The following MGMT variants were observed in gnomAD, a reference collection of about 807,000 sequenced individuals.
MGMT encodes O-6-methylguanine-DNA methyltransferase.
Under a neutral mutation model 15.9 loss-of-function variants are expected in MGMT, and 14 were observed. The ratio of observed to expected loss-of-function variants is 0.88; its 90% CI spans 0.58 to 1.37. The LOEUF (loss-of-function observed/expected upper bound fraction) is 1.37, where lower values mean the gene tolerates loss of function less well. Among genes scored for constraint, MGMT ranks in the 40% most tolerant of loss-of-function variants. The pLI is 0.00. For missense variants in MGMT, 282 were observed against 268.1 expected (o/e 1.05, Z -0.36); for synonymous variants, 130 against 118.2 (o/e 1.10, Z -0.65).
intron 1 of MGMT, among the ~76,000 whole-genome samples, chr10:129,473,974 C>G (rs1195907977): frequency 1.3e-5 from 2 of 152,260 alleles, no homozygotes; most frequent in African/African-American, 4.8e-5. Flanking sequence ...GGCCAGGGAC[C>G]CATGCCTGAT....
intron 2 of MGMT, among the ~76,000 whole-genome samples, chr10:129,654,422 A>G (rs140439166): frequency 6.6e-6 from 1 of 152,268 alleles, no homozygotes; most frequent in East Asian, 1.9e-4. Flanking sequence ...GAAGGTGCTC[A>G]TATTTTACCT....
At chr10:129,658,981 T>C (rs1218410311) in intron 2 of MGMT, among the ~76,000 whole-genome samples, 1 of 152,176 alleles carries the variant, frequency 6.6e-6, no homozygotes, top group Non-Finnish European at 1.5e-5. Flanking sequence ...TTCAATGTTA[T>C]CTTAATACAC....
In MGMT at chr10:129,536,303, G is replaced by A. The variant is rs375133933; in HGVS notation, c.51G>A (p.Gly17=). 6.2e-7 allele frequency: 1 copy of A among 1,614,158 alleles called. No homozygotes were observed. Among genetic ancestry groups the A allele is most frequent in the Non-Finnish European group, 8.5e-7 (1 of 1,180,032 alleles). ...MKRTTLDSPL[G]KLELSGCEQG... Reference sequence around the variant, plus strand: ...GCACCACACTGGACAGCCCTTTGGGGAAGCTGGAGCTGTCTGGTTGTGAGC... The same window carrying A: ...GCACCACACTGGACAGCCCTTTGGGAAAGCTGGAGCTGTCTGGTTGTGAGC... Residue 17 remains glycine (G), a synonymous_variant, in exon 2 of 5, where the codon GGG becomes GGA. Transcript: ENST00000651593.
In MGMT at chr10:129,533,652, C is replaced by T. The variant is rs904726323; in HGVS notation, c.-12-2589C>T. Among the ~76,000 whole-genome samples, 4 of 152,154 alleles carry T rather than the reference C, an allele frequency of 2.6e-5. No individual in the cohort carries two copies. The South Asian group carries it at 6.2e-4, about 24-fold the overall frequency. On this transcript the variant is annotated intron_variant, in intron 1 of 4. Coordinates refer to ENST00000651593, the MANE Select transcript of MGMT (RefSeq NM_002412.5). This position sits in a 1 kb window ranked among gnomAD's most constrained non-coding sequence, Gnocchi z 4.5. The stretch of plus-strand genomic sequence containing the variant: ...ATACTTTGGGAAATGATCTCATGGA[C>T]GCTTGGCCTGGATGGTGGTCACACT...
At chr10:129,525,694 G>A (rs545901916) in intron 1 of MGMT, among the ~76,000 whole-genome samples, 1 of 152,336 alleles carries the variant, frequency 6.6e-6, no homozygotes, top group East Asian at 1.9e-4. Flanking sequence ...GACCCTGGAA[G>A]TCTGTGCCTA....
At chr10:129,488,368 G>A (rs1269170854) in intron 1 of MGMT, among the ~76,000 whole-genome samples, 1 of 152,030 alleles carries the variant, frequency 6.6e-6, no homozygotes, top group Non-Finnish European at 1.5e-5. Context: ...CATCTTTTGC[G>A]AAATGCCTGT....
At chr10:129,694,183 C>T (rs1848003385) in intron 2 of MGMT, 1 of 152,274 alleles carries the variant, frequency 6.6e-6, no homozygotes, top group South Asian at 2.1e-4. Flanking sequence ...CTGTCTTTCA[C>T]CTCTGCTCTT....
chr10:129,672,268 G>A (rs1004619720), intron 2 of MGMT, among the ~76,000 whole-genome samples: 2 of 152,184 alleles, frequency 1.3e-5, no homozygotes, highest in African/African-American at 4.8e-5. Flanking sequence ...TTCTTGAGAA[G>A]TCAGCTCTTC....
At chr10:129,655,713 T>C (rs1393948227) in intron 2 of MGMT, among the ~76,000 whole-genome samples, 1 of 152,218 alleles carries the variant, frequency 6.6e-6, no homozygotes, top group Non-Finnish European at 1.5e-5. Flanking sequence ...AGGGAGCTGT[T>C]CCTCAGTATA....
chr10:129,739,433 T>A (rs1848604677), intron 3 of MGMT, among the ~76,000 whole-genome samples: 1 of 152,236 alleles, frequency 6.6e-6, no homozygotes, highest in Non-Finnish European at 1.5e-5. Context: ...CTCCTCTTTT[T>A]TATTTTCGAA....
chr10:129,599,054 T>C (rs2133059684), intron 2 of MGMT, among the ~76,000 whole-genome samples: 1 of 152,154 alleles, frequency 6.6e-6, no homozygotes, highest in East Asian at 1.9e-4. Flanking sequence ...TTTAAAGGAG[T>C]TTAATTGAGC....
intron 1 of MGMT, among the ~76,000 whole-genome samples, chr10:129,489,964 G>A (rs762193792): frequency 6.6e-5 from 10 of 151,822 alleles, no homozygotes; most frequent in East Asian, 1.9e-4. Context: ...ATTTTAAGTC[G>A]ATGTGGGGAT....
intron 2 of MGMT, among the ~76,000 whole-genome samples, chr10:129,589,152 GA>G (rs1304464451): frequency 1.3e-5 from 2 of 152,264 alleles, no homozygotes; most frequent in Admixed American, 1.3e-4. Context: ...TCTGGCTGAA[GA>G]AGCGGTATCC....
chr10:129,764,656 G>C (rs977620704), intron 4 of MGMT, among the ~76,000 whole-genome samples: 1 of 152,240 alleles, frequency 6.6e-6, no homozygotes, highest in Non-Finnish European at 1.5e-5. Flanking sequence ...TCATTTCTCT[G>C]TTGAGCTGGG....
intron 2 of MGMT, among the ~76,000 whole-genome samples, chr10:129,583,661 C>T (rs552551): frequency 0.79 from 120,327 of 152,210 alleles, 47,805 homozygotes; most frequent in Non-Finnish European, 0.83. Context: ...AGGGCCCTGT[C>T]TCTGTGGCAC....
intron 1 of MGMT, among the ~76,000 whole-genome samples, chr10:129,468,551 T>C (rs1233345287): frequency 6.6e-6 from 1 of 151,708 alleles, no homozygotes; most frequent in Non-Finnish European, 1.5e-5. Flanking sequence ...AGTACGGAGC[T>C]ATACTCAGGT....
chr10:129,634,461 A>G (rs1847243835), intron 2 of MGMT, among the ~76,000 whole-genome samples: 1 of 152,166 alleles, frequency 6.6e-6, no homozygotes, highest in African/African-American at 2.4e-5. Context: ...CCAACTACAG[A>G]TATGTACGAT....
intron 1 of MGMT, among the ~76,000 whole-genome samples, chr10:129,496,646 C>T (rs1015067553): frequency 2.0e-5 from 3 of 151,984 alleles, no homozygotes; most frequent in East Asian, 3.9e-4. Flanking sequence ...CTTGTGCAGC[C>T]GTGGAATGGG....
intron 2 of MGMT, among the ~76,000 whole-genome samples, chr10:129,690,895 G>C (rs891686443): frequency 1.3e-5 from 2 of 152,154 alleles, no homozygotes; most frequent in Non-Finnish European, 2.9e-5. Flanking sequence ...GTGATGACTC[G>C]GGGAGGCTTG....
Sources: allele counts gnomAD v4.1 joint callset (sites outside exome capture counted in the v4.1 genomes callset), GRCh38; gene constraint gnomAD v4.1.1; non-coding constraint Gnocchi (gnomAD v3.1); transcripts MANE v1.5; gene names NCBI Gene and HGNC (gene_info 2026-07-23, HGNC 2026-07-21).